The following CHD2 variants were observed in gnomAD, a reference collection of about 807,000 sequenced individuals.
CHD2 encodes chromodomain helicase DNA binding protein 2.
Under a neutral mutation model 243.9 loss-of-function variants are expected in CHD2, and 28 were observed. The ratio of observed to expected loss-of-function variants is 0.11; its 90% CI spans 0.09 to 0.16. CHD2 has a LOEUF of 0.16. Among genes scored for constraint, CHD2 ranks in the 10% least tolerant of loss-of-function variants. The pLI, the probability that CHD2 is intolerant of heterozygous loss-of-function variation, is 1.00. For synonymous variants in CHD2, 775 were observed against 779.0 expected (o/e 0.99, Z 0.09); for missense variants, 1,386 against 2,209.8 (o/e 0.63, Z 7.47).
chr15:92,943,301 A>C, intron 9 of CHD2: 1 of 495,702 alleles, frequency 2.0e-6, no homozygotes, highest in Admixed American at 3.4e-5. Flanking sequence ...TTATTCACAC[A>C]TTCTTTAGTT....
chr15:92,972,155 A>T (rs2037652541), intron 18 of CHD2, 110 bp from the exon 19 acceptor site: 1 of 1,242,092 alleles, frequency 8.1e-7, no homozygotes, highest in Non-Finnish European at 1.1e-6. Flanking sequence ...CAGGTTGCTA[A>T]GGGCTTCAGA....
chr15:92,932,051 A>T (rs894025702), intron 5 of CHD2, among the ~76,000 whole-genome samples: 4 of 152,050 alleles, frequency 2.6e-5, no homozygotes, highest in Admixed American at 6.6e-5. Flanking sequence ...TTTAATAGAG[A>T]CGGGGTTTCA....
At chr15:92,984,642 A>G in intron 25 of CHD2, 142 bp downstream of exon 25, 2 of 721,354 alleles carry the variant, frequency 2.8e-6, no homozygotes, top group Non-Finnish European at 4.0e-6. Flanking sequence ...AGGAAACTTA[A>G]CAAAGGAAAG....
rs1270426481 is a variant in CHD2, at chr15:92,900,595, A to G, written c.-301A>G. Reference sequence around the variant, plus strand: ...CGTTGTTTTTTCCAGCTTAGAAGCCATGGCGCACCTCCATTTTTGTGCGCT... The same window carrying G: ...CGTTGTTTTTTCCAGCTTAGAAGCCGTGGCGCACCTCCATTTTTGTGCGCT... On this transcript the variant is annotated 5_prime_UTR_variant, in exon 1 of 39. An upstream start codon of the reference 5' UTR is lost. Coordinates refer to ENST00000394196, the MANE Select transcript of CHD2 (RefSeq NM_001271.4). The G allele has an allele frequency of 5.0e-6, 2 of 398,558 alleles. No homozygotes were observed. The highest frequency in any genetic ancestry group is 1.3e-4 in the South Asian group (1 of 7,872). 24.7% of individuals were successfully genotyped at this position (398,558 alleles called of 1,614,324 possible). A position where few individuals can be genotyped will look rare whatever the true frequency, so the allele number is the denominator to read the frequency against.
At position 92,971,635 on chromosome 15, in the gene CHD2, C is replaced by A. The variant is rs1014370391; in HGVS notation, c.2190-130C>A. ...GGCAGGAGATACAAAAGAAAATATTCTTTGCTTCTTAAACTTTTTTAGGCC... is the reference window on the plus strand; with the variant it reads ...GGCAGGAGATACAAAAGAAAATATTATTTGCTTCTTAAACTTTTTTAGGCC... On this transcript the variant is annotated intron_variant, in intron 17 of 38. Transcript: ENST00000394196. 7.0e-6 allele frequency: 4 copies of A among 572,886 alleles called. No individual in the cohort carries two copies. The East Asian group carries it at 1.3e-4, about 19-fold the overall frequency. 35.5% of individuals were successfully genotyped at this position (572,886 alleles called of 1,614,324 possible). A position where few individuals can be genotyped will look rare whatever the true frequency, so the allele number is the denominator to read the frequency against.
chr15:92,974,962 A>G lies in CHD2; in HGVS notation c.2577+12A>G. 1.9e-6 allele frequency: 3 copies of G among 1,611,716 alleles called. No individual in the cohort carries two copies. The highest frequency in any genetic ancestry group is 2.5e-6 in the Non-Finnish European group (3 of 1,178,170). ...CAGATGGGTCTGAGGTATACTATGC[A>G]TGGCTTTGTTATTTGAGCAACTTGG... On this transcript the variant is annotated intron_variant, in intron 20 of 38. Coordinates refer to ENST00000394196, the MANE Select transcript of CHD2 (RefSeq NM_001271.4).
At chr15:92,953,692 T>G in intron 14 of CHD2, 119 bp downstream of exon 14, 2 of 877,462 alleles carry the variant, frequency 2.3e-6, no homozygotes, top group African/African-American at 1.7e-5. Flanking sequence ...TACTGTGCTG[T>G]GTTCTCAATA....
At chr15:93,010,481 A>G (rs1470932555) in intron 35 of CHD2, among the ~76,000 whole-genome samples, 2 of 150,698 alleles carry the variant, frequency 1.3e-5, no homozygotes, top group African/African-American at 4.9e-5. Flanking sequence ...GCTGAAGTGC[A>G]GTGGCACAAT....
rs757303170 is a variant in CHD2 at position 92,948,938 on chromosome 15, C to T, written c.1378-14C>T. The T allele has an allele frequency of 8.7e-6, 14 of 1,608,190 alleles. No individual in the cohort carries two copies. The highest frequency in any genetic ancestry group is 1.3e-5 in the African/African-American group (1 of 74,356). On this transcript the variant is annotated splice_polypyrimidine_tract_variant and intron_variant, in intron 12 of 38. Coordinates refer to ENST00000394196, the MANE Select transcript of CHD2 (RefSeq NM_001271.4). Reference sequence around the variant, plus strand: ...GTAAGAACATTTTCTCAGACTTGGGCTTTTGTTTTTCAGGCCCTGAAGCAG... The same window carrying T: ...GTAAGAACATTTTCTCAGACTTGGGTTTTTGTTTTTCAGGCCCTGAAGCAG...
intron 2 of CHD2, among the ~76,000 whole-genome samples, chr15:92,913,657 G>A (rs1208788824): frequency 6.6e-6 from 1 of 152,210 alleles, no homozygotes; most frequent in African/African-American, 2.4e-5. Context: ...TTCGAGACCA[G>A]CTTGGGCAAT....
In CHD2 at chr15:92,998,413, G is replaced by T. The variant is rs1450435882; in HGVS notation, c.3886-86G>T. ...GGTGGTTGGGGAGGGAAAGGACTGT[G>T]CTCAGTTTTTGTTGTCTCTGTTTAT... is the stretch of plus-strand genomic sequence containing the variant. On this transcript the variant is annotated intron_variant, in intron 30 of 38. Coordinates refer to ENST00000394196, the MANE Select transcript of CHD2 (RefSeq NM_001271.4). This position sits in a 1 kb window ranked among gnomAD's most constrained non-coding sequence, Gnocchi z 5.1. 8 of 1,563,630 alleles carry T rather than the reference G, an allele frequency of 5.1e-6. No individual in the cohort carries two copies. In the African/African-American group the frequency reaches 1.1e-4, roughly 21 times the overall value.
At chr15:92,992,666 T>A (rs1395876629) in intron 27 of CHD2, among the ~76,000 whole-genome samples, 193 bp from the exon 28 acceptor site, 4 of 152,348 alleles carry the variant, frequency 2.6e-5, no homozygotes, top group Non-Finnish European at 2.9e-5. Flanking sequence ...CAATTCTTTA[T>A]GATGGAAAAT....
At chr15:92,926,448 A>G (rs72647786) in intron 3 of CHD2, among the ~76,000 whole-genome samples, 1 of 152,220 alleles carries the variant, frequency 6.6e-6, no homozygotes, top group East Asian at 1.9e-4. Context: ...GTGTTCCACA[A>G]TCCATTCAAA....
intron 20 of CHD2, 63 bp downstream of exon 20, chr15:92,975,013 C>G (rs1001619236): frequency 1.5e-6 from 2 of 1,328,660 alleles, no homozygotes; most frequent in Non-Finnish European, 2.2e-6. Context: ...GAAAGTCTCT[C>G]TCGCTTAATG....
chr15:92,932,218 C>T (rs1426501316), intron 5 of CHD2, among the ~76,000 whole-genome samples: 3 of 150,552 alleles, frequency 2.0e-5, no homozygotes, highest in Non-Finnish European at 4.4e-5. Flanking sequence ...CCAATAAAGT[C>T]TTTCATAATA....
chr15:92,913,992 T>A (rs2052789123), intron 2 of CHD2, among the ~76,000 whole-genome samples: 1 of 152,264 alleles, frequency 6.6e-6, no homozygotes, highest in Non-Finnish European at 1.5e-5. Flanking sequence ...GTTATGGGCA[T>A]ACGTTTCACA....
In CHD2 at chr15:92,946,208, G is replaced by C; in HGVS notation, c.1369G>C (p.Glu457Gln). Residue 457 changes from glutamate to glutamine, a missense_variant, in exon 12 of 39, where the codon GAA (glutamate) becomes CAA (glutamine). Physicochemically the swap from Glu to Gln is conservative, Grantham distance 29. Around this residue, in one of 19 missense-constraint regions of CHD2, gnomAD observed 200 missense variants for 292.5 expected, o/e 0.68. Coordinates refer to ENST00000394196, the MANE Select transcript of CHD2 (RefSeq NM_001271.4). ...RNNSKTIPTR[E>Q]CKALKQRPRF... is the part of the protein sequence containing the mutation. ...CAACTCAAAAACCATCCCAACAAGAGAATGCAAGGTATGGTGATGGTTGGC... is the reference window on the plus strand; with the variant it reads ...CAACTCAAAAACCATCCCAACAAGACAATGCAAGGTATGGTGATGGTTGGC... The C allele has an allele frequency of 1.2e-6, 2 of 1,610,328 alleles. No individual in the cohort carries two copies. Among genetic ancestry groups the C allele is most frequent in the Non-Finnish European group, 1.7e-6 (2 of 1,177,896 alleles).
chr15:92,956,107 A>T (rs1250485373), intron 15 of CHD2, among the ~76,000 whole-genome samples: 1 of 152,148 alleles, frequency 6.6e-6, no homozygotes, highest in Admixed American at 6.5e-5. Flanking sequence ...GTTGGGGTGG[A>T]GAATAGGCAA....
At chr15:92,972,159 C>A in intron 18 of CHD2, 106 bp from the exon 19 acceptor site, 1 of 1,286,524 alleles carries the variant, frequency 7.8e-7, no homozygotes, top group Non-Finnish European at 1.1e-6. Flanking sequence ...TTGCTAAGGG[C>A]TTCAGAAAGC....
Sources: allele counts gnomAD v4.1 joint callset (sites outside exome capture counted in the v4.1 genomes callset), GRCh38; gene constraint gnomAD v4.1.1; regional missense constraint gnomAD v4.1.1; non-coding constraint Gnocchi (gnomAD v3.1); transcripts MANE v1.5; gene names NCBI Gene and HGNC (gene_info 2026-07-23, HGNC 2026-07-21).